The following NAV1 variants were observed in gnomAD, a reference collection of about 807,000 sequenced individuals.
NAV1 encodes the protein pore membrane and/or filament interacting like protein 3.
In NAV1, 18 loss-of-function variants were observed where a neutral mutation model predicts 175.2. That is an observed-to-expected ratio of 0.10 (90% CI 0.07 to 0.15). The LOEUF is 0.15. NAV1 is among the 10% of genes least tolerant of loss of function. The probability of loss-of-function intolerance (pLI) is 1.00; values close to 1 mark genes in which losing one functional copy is unlikely to be tolerated. For missense variants in NAV1, 1,731 were observed against 2,436.6 expected, an observed-to-expected ratio of 0.71 and a Z score of 6.10; for synonymous variants, 897 against 978.7, an observed-to-expected ratio of 0.92 and a Z score of 1.56.
intron 1 of NAV1, among the ~76,000 whole-genome samples, chr1:201,652,175 G>A (rs1056199478): frequency 6.6e-6 from 1 of 151,032 alleles, no homozygotes; most frequent in Non-Finnish European, 1.5e-5. Flanking sequence ...ACCTCAGTGG[G>A]GCTCAGTGTC....
At chr1:201,599,555 GA>G (rs1419009476) in intron 2 of NAV1, among the ~76,000 whole-genome samples, 4 of 152,216 alleles carry the variant, frequency 2.6e-5, no homozygotes, top group Admixed American at 6.5e-5. Context: ...TGGCAGTTCA[GA>G]GTCTGTGGCA....
chr1:201,542,782 G>T (rs557209734), intron 1 of NAV1, among the ~76,000 whole-genome samples: 3 of 152,288 alleles, frequency 2.0e-5, no homozygotes, highest in East Asian at 3.9e-4. Context: ...AAAATTAAAG[G>T]CTCTGATGCA....
At chr1:201,733,687 C>T (rs1035751000) in intron 3 of NAV1, among the ~76,000 whole-genome samples, 9 of 152,088 alleles carry the variant, frequency 5.9e-5, no homozygotes, top group Admixed American at 4.6e-4. Flanking sequence ...CTTTGATAAA[C>T]TGTGCAGATA....
chr1:201,635,337 A>G (rs1668590714), intron 2 of NAV1, among the ~76,000 whole-genome samples: 1 of 151,838 alleles, frequency 6.6e-6, no homozygotes, highest in South Asian at 2.1e-4. Flanking sequence ...GAGCCATTGC[A>G]CCCAACCCAT....
intron 8 of NAV1, among the ~76,000 whole-genome samples, chr1:201,785,725 C>T (rs993118629): frequency 6.6e-6 from 1 of 151,672 alleles, no homozygotes; most frequent in Non-Finnish European, 1.5e-5. Context: ...AGGGGCAGGA[C>T]CTACCTGGTC....
Position 201,808,090 on chromosome 1 carries a change from G to A in NAV1, c.3786G>A (p.Glu1262=), listed in dbSNP as rs764051302. The change falls in exon 18 of 30, where the codon GAG becomes GAA. Residue 1262 remains glutamate (E), a synonymous_variant. Coordinates refer to ENST00000367296, the Ensembl canonical transcript of NAV1. The surrounding 1 kb of genome is among the most constrained non-coding windows in gnomAD (Gnocchi z 5.5). ...CCAAACTACAGCATGGTTCTACAGA[G>A]ACTGCTTCACCCTCCATCAAGTCCT... The A allele has an allele frequency of 1.9e-6, 3 of 1,614,186 alleles. No homozygotes were observed. Among genetic ancestry groups the A allele is most frequent in the South Asian group, 2.2e-5 (2 of 91,088 alleles).
At chr1:201,629,711 A>T (rs1319309672) in intron 2 of NAV1, among the ~76,000 whole-genome samples, 1 of 152,202 alleles carries the variant, frequency 6.6e-6, no homozygotes, top group East Asian at 1.9e-4. Context: ...TAGGGGCAGC[A>T]TAGGGAAGTG....
intron 2 of NAV1, among the ~76,000 whole-genome samples, chr1:201,642,511 C>CTCTCTCTTTCTTTCTTTCTT (rs1553247034): frequency 2.2e-5 from 1 of 45,552 alleles, no homozygotes; most frequent in South Asian, 6.7e-4. Context: ...CGCACCCGGC[C>CTCTCTCTTTCTTTCTTTCTT]TCTTTCTTTC....
chr1:201,658,283 T>C (rs1207898804), intron 1 of NAV1, among the ~76,000 whole-genome samples: 5 of 151,984 alleles, frequency 3.3e-5, no homozygotes, highest in Non-Finnish European at 7.4e-5. Flanking sequence ...GTGTCCAGGC[T>C]CATTCCAGTA....
chr1:201,794,155 T>G (rs1558173318), intron 14 of NAV1: 1 of 661,484 alleles, frequency 1.5e-6, no homozygotes, highest in East Asian at 3.0e-5. Flanking sequence ...CTAATGACGC[T>G]GTTTTCTTTT....
upstream of NAV1, among the ~76,000 whole-genome samples, chr1:201,620,451 C>A (rs1355027885): frequency 8.4e-6 from 1 of 118,862 alleles, no homozygotes; most frequent in South Asian, 2.5e-4. Flanking sequence ...GAGACATATA[C>A]TCTTTTTTTT....
At chr1:201,576,075 T>C (rs1459892001) in intron 1 of NAV1, among the ~76,000 whole-genome samples, 5 of 152,218 alleles carry the variant, frequency 3.3e-5, no homozygotes, top group Non-Finnish European at 7.3e-5. Flanking sequence ...TACCAGGATA[T>C]TGGCCCGGCT....
exon 1 of NAV1, chr1:201,648,329 C>G: frequency 8.5e-7 from 1 of 1,172,910 alleles, no homozygotes; most frequent in Non-Finnish European, 1.1e-6. Flanking sequence ...GGAGGAGCCG[C>G]GGGGCTTCCA....
chr1:201,802,457 TAAAAAAAAAAA>T (rs34494216), intron 15 of NAV1, among the ~76,000 whole-genome samples: 1 of 101,086 alleles, frequency 9.9e-6, no homozygotes, highest in Non-Finnish European at 1.9e-5. Context: ...CCTGTCTCAT[TAAAAAAAAAAA>T]AAAAAAAAGA....
intron 5 of NAV1, 125 bp downstream of exon 9, chr1:201,781,434 T>C: frequency 2.1e-6 from 2 of 970,386 alleles, no homozygotes; most frequent in Non-Finnish European, 3.0e-6. Flanking sequence ...AGACATTATC[T>C]TATCTGGTCT....
At chr1:201,623,015 C>T (rs1004348177) in exon 1 of NAV1, 6 of 986,010 alleles carry the variant, frequency 6.1e-6, no homozygotes, top group Non-Finnish European at 6.0e-6. Context: ...CCACGCCAGG[C>T]CGGCCTGGCC....
intron 1 of NAV1, among the ~76,000 whole-genome samples, chr1:201,578,110 C>A (rs981798960): frequency 3.9e-5 from 6 of 152,168 alleles, no homozygotes; most frequent in African/African-American, 1.4e-4. Flanking sequence ...CTTACCAGAA[C>A]TTCAATAACA....
At chr1:201,660,610 C>T (rs555646633) in intron 1 of NAV1, among the ~76,000 whole-genome samples, 108 of 152,324 alleles carry the variant, frequency 7.1e-4, no homozygotes, top group Non-Finnish European at 1.0e-3. Context: ...CCTGAGGACC[C>T]GTGGGGGACC....
chr1:201,741,545 C>T (rs1315537965), intron 3 of NAV1, among the ~76,000 whole-genome samples: 1 of 152,202 alleles, frequency 6.6e-6, no homozygotes, highest in Non-Finnish European at 1.5e-5. Context: ...CCTCCCTCCA[C>T]CTCTGCCACC....
Sources: allele counts gnomAD v4.1 joint callset (sites outside exome capture counted in the v4.1 genomes callset), GRCh38; gene constraint gnomAD v4.1.1; non-coding constraint Gnocchi (gnomAD v3.1); transcripts MANE v1.5; gene names NCBI Gene and HGNC (gene_info 2026-07-23, HGNC 2026-07-21).